KLF6: variants seen among roughly 807,000 people sequenced by gnomAD.
The protein encoded by KLF6 is Krueppel-like factor 6.
For synonymous variants in KLF6, 152 were observed against 147.9 expected (o/e 1.03, Z -0.20); for missense variants, 233 against 359.8 (o/e 0.65, Z 2.85).
In KLF6 at chr10:3,781,968, C is replaced by T. The variant is rs1227606738; in HGVS notation, c.349G>A (p.Glu117Lys). Reference protein sequence around the residue: ...DVSSESSDSSEELSPTAKFTS... With the variant: ...DVSSESSDSSKELSPTAKFTS... ...AACTTGGCCGTGGGAGAAAGTTCCT[C>T]GGAGCTGTCAGAGGATTCGCTGCTG... is the stretch of plus-strand genomic sequence containing the variant. The change falls in exon 2 of 4, where the codon GAG (glutamate) becomes AAG (lysine). Residue 117 changes from glutamate to lysine, a missense_variant. Physicochemically the swap from Glu to Lys is moderately conservative, Grantham distance 56. Coordinates refer to ENST00000497571, the MANE Select transcript of KLF6 (RefSeq NM_001300.6). This position sits in a 1 kb window ranked among gnomAD's most constrained non-coding sequence, Gnocchi z 5.8. The T allele has an allele frequency of 2.5e-6, 4 of 1,614,074 alleles. No homozygotes were observed. The highest frequency in any genetic ancestry group is 1.3e-5 in the African/African-American group (1 of 74,942).
chr10:3,783,571 C>T (rs1832579937), intron 1 of KLF6, among the ~76,000 whole-genome samples: 1 of 152,168 alleles, frequency 6.6e-6, no homozygotes, highest in Admixed American at 6.5e-5. Context: ...TGGGAGCAAG[C>T]ACACGGGAGA....
At chr10:3,779,881 T>C (rs1287907172) in intron 3 of KLF6, among the ~76,000 whole-genome samples, 2 of 152,206 alleles carry the variant, frequency 1.3e-5, no homozygotes, top group Non-Finnish European at 1.5e-5. Flanking sequence ...TCCAAACATA[T>C]CAATAAACTG....
rs1832399786 is a variant in KLF6, at chr10:3,776,998, A to C, written c.*2541T>G. On this transcript the variant is annotated 3_prime_UTR_variant, in exon 4 of 4. Transcript: ENST00000497571. Reference sequence around the variant, plus strand: ...GAATTGTTATGGCTAAGCACATAGAAGGCCAAAAAAGGAGTTTTCCAAACC... The same window carrying C: ...GAATTGTTATGGCTAAGCACATAGACGGCCAAAAAAGGAGTTTTCCAAACC... 4 of 516,186 alleles carry C rather than the reference A, an allele frequency of 7.7e-6. No individual in the cohort carries two copies. Among genetic ancestry groups the C allele is most frequent in the East Asian group, 4.2e-5 (1 of 23,696 alleles). The allele number at this position is 516,186 out of a possible 1,614,324, so 32.0% of individuals were successfully genotyped here. A position where few individuals can be genotyped will look rare whatever the true frequency, so the allele number is the denominator to read the frequency against.
Position 3,782,289 on chromosome 10 carries a change from A to T in KLF6, c.103-75T>A. The T allele has an allele frequency of 8.1e-7, 1 of 1,236,620 alleles. No homozygotes were observed. The allele number at this position is 1,236,620 out of a possible 1,614,324, so 76.6% of individuals were successfully genotyped here. A position where few individuals can be genotyped will look rare whatever the true frequency, so the allele number is the denominator to read the frequency against. ...GTAAAAGCAAAAGCAATTTCCAAAA[A>T]CATGCAAGAATGAAGGACAGATAAC... On this transcript the variant is annotated intron_variant, in intron 1 of 3. Transcript: ENST00000497571. The surrounding 1 kb of genome is among the most constrained non-coding windows in gnomAD (Gnocchi z 4.3).
chr10:3,781,265 A>C lies in KLF6; in HGVS notation c.676+376T>G. On this transcript the variant is annotated intron_variant, in intron 2 of 3. Transcript: ENST00000497571. This position sits in a 1 kb window ranked among gnomAD's most constrained non-coding sequence, Gnocchi z 5.8. ...CAGCAACCCTCTGTCCTGACCCTTGAGTTTCATTTAGGAAACCCCAGGGCC... is the reference window on the plus strand; with the variant it reads ...CAGCAACCCTCTGTCCTGACCCTTGCGTTTCATTTAGGAAACCCCAGGGCC... 2 of 647,178 alleles carry C rather than the reference A, an allele frequency of 3.1e-6. No individual in the cohort carries two copies. Among genetic ancestry groups the C allele is most frequent in the Non-Finnish European group, 5.0e-6 (2 of 396,134 alleles). 40.1% of individuals were successfully genotyped at this position (647,178 alleles called of 1,614,324 possible).
rs779462032 is a variant in KLF6 at position 3,776,250 on chromosome 10, C to CCTGGCTTGAGCAATGGAAGATCAAA, written c.*3264_*3288dup. The CCTGGCTTGAGCAATGGAAGATCAAA allele has an allele frequency of 5.7e-6, 3 of 525,894 alleles. No homozygotes were observed. The highest frequency in any genetic ancestry group is 4.6e-5 in the South Asian group (3 of 64,840). 32.6% of individuals were successfully genotyped at this position (525,894 alleles called of 1,614,324 possible). A position where few individuals can be genotyped will look rare whatever the true frequency, so the allele number is the denominator to read the frequency against. ...GTGCAGGTGCCTCTGCAATGCATTC[C>CCTGGCTTGAGCAATGGAAGATCAAA]CTGGCTTGAGCAATGGAAGATCAAA... On this transcript the variant is annotated 3_prime_UTR_variant, in exon 4 of 4. Transcript: ENST00000497571.
Position 3,781,466 on chromosome 10 carries a change from G to C in KLF6, c.676+175C>G, listed in dbSNP as rs1832517562. Reference sequence around the variant, plus strand: ...ATCCAACTCAAAAGTCCAGTCTTTAGGATTCTACTCTGAACTCCAAAAAGA... The same window carrying C: ...ATCCAACTCAAAAGTCCAGTCTTTACGATTCTACTCTGAACTCCAAAAAGA... On this transcript the variant is annotated intron_variant, in intron 2 of 3. Coordinates refer to ENST00000497571, the MANE Select transcript of KLF6 (RefSeq NM_001300.6). The surrounding 1 kb of genome is among the most constrained non-coding windows in gnomAD (Gnocchi z 5.8). The C allele has an allele frequency of 6.5e-7, 1 of 1,545,338 alleles. No individual in the cohort carries two copies. Among genetic ancestry groups the C allele is most frequent in the Non-Finnish European group, 8.7e-7 (1 of 1,145,162 alleles).
rs911315579 is a variant in KLF6, at chr10:3,783,782, G to A, written c.102+1131C>T. On this transcript the variant is annotated intron_variant, in intron 1 of 3. Transcript: ENST00000497571. ...GCTGATGAGCACCCGGGACCTGAACGAAGCTCTCGGAGAGTTTAAAAGCCT... is the reference window on the plus strand; with the variant it reads ...GCTGATGAGCACCCGGGACCTGAACAAAGCTCTCGGAGAGTTTAAAAGCCT... 3.9e-5 allele frequency among the ~76,000 whole-genome samples: 6 copies of A among 152,182 alleles called. No homozygotes were observed. The East Asian group carries it at 5.8e-4, about 15-fold the overall frequency.
In KLF6 at chr10:3,778,854, T is replaced by C. The variant is rs949220552; in HGVS notation, c.*685A>G. The C allele has an allele frequency of 1.3e-5, 7 of 533,704 alleles. No homozygotes were observed. The highest frequency in any genetic ancestry group is 2.5e-5 in the Non-Finnish European group (7 of 276,052). 33.1% of individuals were successfully genotyped at this position (533,704 alleles called of 1,614,324 possible). ...TACAATGGGTTACAAATGAGCTATG[T>C]TGTAGCGTGTAAAACAAGCTACTTG... On this transcript the variant is annotated 3_prime_UTR_variant, in exon 4 of 4. Coordinates refer to ENST00000497571, the MANE Select transcript of KLF6 (RefSeq NM_001300.6).
Position 3,781,699 on chromosome 10 carries a change from G to T in KLF6, c.618C>A (p.Gly206=). 6.2e-7 allele frequency: 1 copy of T among 1,613,988 alleles called. No individual in the cohort carries two copies. The highest frequency in any genetic ancestry group is 8.5e-7 in the Non-Finnish European group (1 of 1,179,882). Residue 206 remains glycine, a synonymous_variant, in exon 2 of 4, where the codon GGC becomes GGA. Coordinates refer to ENST00000497571, the MANE Select transcript of KLF6 (RefSeq NM_001300.6). The surrounding 1 kb of genome is among the most constrained non-coding windows in gnomAD (Gnocchi z 5.8). ...AGCTTTTGGTGTAAACTTTCCTGCAGCCGTTAAAGTGGCACCGGTGCACCC... is the reference window on the plus strand; with the variant it reads ...AGCTTTTGGTGTAAACTTTCCTGCATCCGTTAAAGTGGCACCGGTGCACCC... ...RRRVHRCHFN[G]CRKVYTKSSH... is the part of the protein sequence containing the mutation.
In KLF6 at chr10:3,777,726, TA is replaced by T. The variant is rs752724587; in HGVS notation, c.*1812del. ...CTAGCTAAACATTCTAGTTTCTCCT[TA>T]AAAAAAATATTTATATATTATCTAT... is the stretch of plus-strand genomic sequence containing the variant. On this transcript the variant is annotated 3_prime_UTR_variant, in exon 4 of 4. Coordinates refer to ENST00000497571, the MANE Select transcript of KLF6 (RefSeq NM_001300.6). 3.0e-4 allele frequency: 106 copies of T among 349,724 alleles called. No homozygotes were observed. Among genetic ancestry groups the T allele is most frequent in the East Asian group, 1.2e-3 (19 of 15,524 alleles). The allele number at this position is 349,724 out of a possible 1,614,324, so 21.7% of individuals were successfully genotyped here. A position where few individuals can be genotyped will look rare whatever the true frequency, so the allele number is the denominator to read the frequency against.
At chr10:3,779,789 C>T (rs942341521) in intron 3 of KLF6, among the ~76,000 whole-genome samples, 199 bp from the exon 4 acceptor site, 1 of 152,216 alleles carries the variant, frequency 6.6e-6, no homozygotes, top group African/African-American at 2.4e-5. Context: ...ATGTCCCCCA[C>T]CAGTGGCTGG....
chr10:3,784,880 C>A (rs780821810), intron 1 of KLF6, 33 bp downstream of exon 1: 37 of 1,581,918 alleles, frequency 2.3e-5, no homozygotes, highest in Non-Finnish European at 2.9e-5. Flanking sequence ...CGCGCCCCGG[C>A]GCCCGCAGGG....
chr10:3,783,936 A>AG (rs925260786), intron 1 of KLF6, among the ~76,000 whole-genome samples: 17 of 151,960 alleles, frequency 1.1e-4, no homozygotes, highest in African/African-American at 4.1e-4. Context: ...CAGGAGGGGG[A>AG]GGGGGAAAAG....
Position 3,781,101 on chromosome 10 carries a change from G to A in KLF6, c.676+540C>T, listed in dbSNP as rs993667307. On this transcript the variant is annotated intron_variant, in intron 2 of 3. Coordinates refer to ENST00000497571, the MANE Select transcript of KLF6 (RefSeq NM_001300.6). This position sits in a 1 kb window ranked among gnomAD's most constrained non-coding sequence, Gnocchi z 5.8. ...ATTTCATTAAGAAACTGTTTCAAGC[G>A]GTATCAGAAACAAAGGCTGCATGAG... 1 of 189,192 alleles carries A rather than the reference G, an allele frequency of 5.3e-6. No individual in the cohort carries two copies. Among genetic ancestry groups the A allele is most frequent in the Non-Finnish European group, 1.1e-5 (1 of 91,944 alleles). The allele number at this position is 189,192 out of a possible 1,614,324, so 11.7% of individuals were successfully genotyped here. A position where few individuals can be genotyped will look rare whatever the true frequency, so the allele number is the denominator to read the frequency against.
Position 3,780,231 on chromosome 10 carries a change from TG to T in KLF6, c.677-3del. The T allele has an allele frequency of 1.9e-6, 3 of 1,613,844 alleles. No homozygotes were observed. The highest frequency in any genetic ancestry group is 2.5e-6 in the Non-Finnish European group (3 of 1,180,032). ...ATGAGCATCTGTAAGGCTTTTCTCC[TG>T]GGGAGAGAGCACAGGACAAGCAGCC... is the stretch of plus-strand genomic sequence containing the variant. On this transcript the variant is annotated splice_region_variant and splice_polypyrimidine_tract_variant and intron_variant, in intron 2 of 3. Coordinates refer to ENST00000497571, the MANE Select transcript of KLF6 (RefSeq NM_001300.6). The surrounding 1 kb of genome is among the most constrained non-coding windows in gnomAD (Gnocchi z 4.6).
rs1177760782 is a variant in KLF6, at chr10:3,780,067, C to G, written c.800+39G>C. The stretch of plus-strand genomic sequence containing the variant: ...AACCCTGGTCATCACATTCCCAAGG[C>G]CCCACGCTCCTTGCCCAGCATTGTC... On this transcript the variant is annotated intron_variant, in intron 3 of 3. Coordinates refer to ENST00000497571, the MANE Select transcript of KLF6 (RefSeq NM_001300.6). This position sits in a 1 kb window ranked among gnomAD's most constrained non-coding sequence, Gnocchi z 4.6. 1 of 1,613,052 alleles carries G rather than the reference C, an allele frequency of 6.2e-7. No homozygotes were observed. The highest frequency in any genetic ancestry group is 2.2e-5 in the East Asian group (1 of 44,882).
Position 3,781,984 on chromosome 10 carries a change from T to C in KLF6, c.333A>G (p.Glu111=). The C allele has an allele frequency of 6.2e-7, 1 of 1,614,114 alleles. No individual in the cohort carries two copies. Among genetic ancestry groups the C allele is most frequent in the Middle Eastern group, 1.6e-4 (1 of 6,062 alleles). Residue 111 remains glutamate (E), a synonymous_variant, in exon 2 of 4, where the codon GAA becomes GAG. Coordinates refer to ENST00000497571, the MANE Select transcript of KLF6 (RefSeq NM_001300.6). The surrounding 1 kb of genome is among the most constrained non-coding windows in gnomAD (Gnocchi z 5.8). Reference sequence around the variant, plus strand: ...AAAGTTCCTCGGAGCTGTCAGAGGATTCGCTGCTGACATCTGAGTTCAGGC... The same window carrying C: ...AAAGTTCCTCGGAGCTGTCAGAGGACTCGCTGCTGACATCTGAGTTCAGGC... The part of the protein sequence containing the change: ...TNSLNSDVSS[E]SSDSSEELSP...
At position 3,777,629 on chromosome 10, in the gene KLF6, T is replaced by G; in HGVS notation, c.*1910A>C. On this transcript the variant is annotated 3_prime_UTR_variant, in exon 4 of 4. Transcript: ENST00000497571. ...ATTAAAGATAAAGCCTCTATAAAAG[T>G]TAGGTTATGGTTTTCATTTTTACCT... The G allele has an allele frequency of 2.0e-6, 1 of 499,134 alleles. No individual in the cohort carries two copies. Among genetic ancestry groups the G allele is most frequent in the Non-Finnish European group, 3.9e-6 (1 of 254,152 alleles). The allele number at this position is 499,134 out of a possible 1,614,324, so 30.9% of individuals were successfully genotyped here. A position where few individuals can be genotyped will look rare whatever the true frequency, so the allele number is the denominator to read the frequency against.
Sources: gnomAD v4.1 joint callset for allele counts (sites outside exome capture counted in the v4.1 genomes callset) on GRCh38, gnomAD v4.1.1 for gene constraint, Gnocchi (gnomAD v3.1) non-coding constraint, MANE v1.5 for transcripts, NCBI Gene and HGNC (gene_info 2026-07-23, HGNC 2026-07-21) for gene names.